Variants in CPZ observed in about 807,000 individuals in gnomAD.
The protein encoded by CPZ is VEZT/CPZ fusion.
In CPZ, 103 loss-of-function variants were observed where a neutral mutation model predicts 61.8. The observed-to-expected ratio is 1.67, with a 90% CI of 1.42 to 1.96. The LOEUF is 1.96. Ranked by LOEUF, CPZ falls within the 30% of genes most tolerant of loss-of-function variation. The probability of loss-of-function intolerance (pLI) is 0.00; values close to 1 mark genes in which losing one functional copy is unlikely to be tolerated. For missense variants in CPZ, 1,461 were observed against 914.9 expected (o/e 1.60, Z -7.70); for synonymous variants, 551 against 373.7 (o/e 1.47, Z -5.47).
At chr4:8,598,062 G>T (rs1287112404) in intron 1 of CPZ, among the ~76,000 whole-genome samples, 2 of 152,222 alleles carry the variant, frequency 1.3e-5, no homozygotes, top group Non-Finnish European at 2.9e-5. Context: ...TCTTCCCCAG[G>T]GCCGCCCGCA....
At position 8,617,136 on chromosome 4, in the gene CPZ, G is replaced by A. The variant is rs562915595; in HGVS notation, c.1504-1293G>A. On this transcript the variant is annotated intron_variant, in intron 9 of 10. Transcript: ENST00000360986. ...CACAGGGTCTGAGCTCACGGGCCGC[G>A]TGTGTCAGGCCAGTCGGTTTCTGCA... 2.6e-5 allele frequency among the ~76,000 whole-genome samples: 4 copies of A among 152,366 alleles called. No homozygotes were observed. In the East Asian group the frequency reaches 7.7e-4, roughly 29 times the overall value.
In CPZ at chr4:8,606,043, G is replaced by A. The variant is rs758061741; in HGVS notation, c.764G>A (p.Arg255Gln). The A allele has an allele frequency of 1.6e-5, 26 of 1,614,012 alleles. No individual in the cohort carries two copies. The highest frequency in any genetic ancestry group is 1.6e-4 in the Middle Eastern group (1 of 6,084). ...ATTCATGGCAACGAGGTGGCGGGCC[G>A]GGAGATGCTCATCTACCTAGCCCAG... ...GNIHGNEVAG[R>Q]EMLIYLAQYL... Residue 255 changes from arginine to glutamine, a missense_variant, in exon 5 of 11, where the codon CGG (arginine) becomes CAG (glutamine). Transcript: ENST00000360986.
intron 7 of CPZ, among the ~76,000 whole-genome samples, chr4:8,608,718 A>G (rs55683513): frequency 0.38 from 57,496 of 151,524 alleles, 11,829 homozygotes; most frequent in Admixed American, 0.54. Flanking sequence ...GGACTTCAGG[A>G]GGGCTTCCCT....
intron 10 of CPZ, among the ~76,000 whole-genome samples, chr4:8,618,833 C>A (rs1404351944): frequency 1.3e-5 from 2 of 152,222 alleles, no homozygotes; most frequent in East Asian, 3.9e-4. Flanking sequence ...ACCCCTAAGC[C>A]TGTTTGTTTC....
intron 8 of CPZ, among the ~76,000 whole-genome samples, chr4:8,613,851 G>A (rs1715922977): frequency 1.3e-5 from 2 of 152,220 alleles, no homozygotes; most frequent in South Asian, 2.1e-4. Flanking sequence ...CCTAGACTCT[G>A]GTCAGGACAG....
At chr4:8,612,190 C>CG (rs754867418) in intron 8 of CPZ, 28 bp downstream of exon 8, 1 of 509,056 alleles carries the variant, frequency 2.0e-6, no homozygotes, top group Non-Finnish European at 2.8e-6. Context: ...CGGGACTGGG[C>CG]GGGGGGTGGG....
intron 10 of CPZ, among the ~76,000 whole-genome samples, chr4:8,619,006 G>A (rs1716450466): frequency 6.6e-6 from 1 of 151,988 alleles, no homozygotes; most frequent in Non-Finnish European, 1.5e-5. Flanking sequence ...TTTGCTAACT[G>A]TGGGGTGGGT....
rs769525875 is a variant in CPZ, at chr4:8,606,066, CAGTACCTGTGCTCTG to C, written c.796_810del (p.Cys266_Leu270del). 5 of 1,614,086 alleles carry C rather than the reference CAGTACCTGTGCTCTG, an allele frequency of 3.1e-6. No homozygotes were observed. The highest frequency in any genetic ancestry group is 4.2e-6 in the Non-Finnish European group (5 of 1,180,034). On this transcript the variant is annotated inframe_deletion, in exon 5 of 11. Transcript: ENST00000360986. The stretch of plus-strand genomic sequence containing the variant: ...CCGGGAGATGCTCATCTACCTAGCC[CAGTACCTGTGCTCTG>C]AGTACCTGCTTGGTAACCCCCGCAT...
chr4:8,594,718 T>C (rs1016439202), intron 1 of CPZ, among the ~76,000 whole-genome samples: 2 of 152,092 alleles, frequency 1.3e-5, no homozygotes, highest in Non-Finnish European at 2.9e-5. Context: ...TTATATTTTC[T>C]AGTAGCCACA....
intron 1 of CPZ, among the ~76,000 whole-genome samples, chr4:8,598,666 G>A (rs1456123483): frequency 2.6e-5 from 4 of 152,236 alleles, no homozygotes; most frequent in Admixed American, 1.3e-4. Context: ...ATCTGATGCC[G>A]GGTTCCCCGC....
chr4:8,605,953 T>C (rs781608260), intron 4 of CPZ, 36 bp from the exon 5 acceptor site: 1 of 1,591,430 alleles, frequency 6.3e-7, no homozygotes, highest in Non-Finnish European at 8.6e-7. Flanking sequence ...CCCCCGGCTT[T>C]GAGATGATGC....
chr4:8,604,925 C>G (rs1213243082), intron 4 of CPZ, among the ~76,000 whole-genome samples: 1 of 152,258 alleles, frequency 6.6e-6, no homozygotes, highest in Non-Finnish European at 1.5e-5. Context: ...AAGGCTCTAT[C>G]TCTTACCAGG....
chr4:8,619,071 G>A (rs1268885525), intron 10 of CPZ, among the ~76,000 whole-genome samples, 191 bp from the exon 11 acceptor site: 1 of 152,144 alleles, frequency 6.6e-6, no homozygotes. Flanking sequence ...GCCTAAGCAG[G>A]GTTTTGAGGT....
chr4:8,612,299 G>A, intron 8 of CPZ, 137 bp downstream of exon 8: 2 of 731,152 alleles, frequency 2.7e-6, no homozygotes, highest in South Asian at 2.1e-5. Context: ...TGCCTCACCT[G>A]GTGGAGAGGA....
At chr4:8,605,009 G>T (rs1255879380) in intron 4 of CPZ, among the ~76,000 whole-genome samples, 1 of 152,326 alleles carries the variant, frequency 6.6e-6, no homozygotes, top group Middle Eastern at 3.4e-3. Flanking sequence ...ACATGCTCTG[G>T]GCAGGAGGCA....
Position 8,592,932 on chromosome 4 carries a change from C to G in CPZ, c.88+11C>G. On this transcript the variant is annotated intron_variant, in intron 1 of 10. Transcript: ENST00000360986. ...AGCGGAACCCCGCCGGTAAGGCCGT[C>G]CCCTGCCCCCACCCTCCACCCTCCA... The G allele has an allele frequency of 6.5e-7, 1 of 1,527,104 alleles. No homozygotes were observed. The highest frequency in any genetic ancestry group is 8.8e-7 in the Non-Finnish European group (1 of 1,138,058). The allele number at this position is 1,527,104 out of a possible 1,614,324, so 94.6% of individuals were successfully genotyped here.
rs186439201 is a variant in CPZ, at chr4:8,601,827, G to T, written c.496+330G>T. On this transcript the variant is annotated intron_variant, in intron 3 of 10. Coordinates refer to ENST00000360986, the MANE Select transcript of CPZ (RefSeq NM_001014447.3). ...AGGGTGCAGTGAGCAGGCCTCGTGT[G>T]GGGGAGCCTGGGCTCAGAGTGCAGG... is the stretch of plus-strand genomic sequence containing the variant. 1.4e-3 allele frequency: 329 copies of T among 235,802 alleles called. 3 individuals are homozygous for T. The highest frequency in any genetic ancestry group is 8.1e-4 in the Non-Finnish European group (99 of 122,452). 14.6% of individuals were successfully genotyped at this position (235,802 alleles called of 1,614,324 possible).
In CPZ at chr4:8,619,539, C is replaced by G. The variant is rs758229378; in HGVS notation, c.1881C>G (p.Ala627=). 8 of 1,574,534 alleles carry G rather than the reference C, an allele frequency of 5.1e-6. No individual in the cohort carries two copies. In the Admixed American group the frequency reaches 8.9e-5, roughly 18 times the overall value. ...DPLRARRQPS[A]DGSKPWWWSY... ...TCCGGGCGCGCAGGCAGCCCTCGGCCGACGGGAGTAAGCCCTGGTGGTGGT... is the reference window on the plus strand; with the variant it reads ...TCCGGGCGCGCAGGCAGCCCTCGGCGGACGGGAGTAAGCCCTGGTGGTGGT... The change falls in exon 11 of 11, where the codon GCC becomes GCG. Residue 627 remains alanine, a synonymous_variant. Coordinates refer to ENST00000360986, the MANE Select transcript of CPZ (RefSeq NM_001014447.3).
intron 6 of CPZ, 74 bp downstream of exon 6, chr4:8,606,972 A>G: frequency 6.7e-7 from 1 of 1,493,336 alleles, no homozygotes; most frequent in Admixed American, 2.1e-5. Flanking sequence ...GGCTCTCTGG[A>G]GTTGTCCTTC....
Sources: gnomAD v4.1 joint callset for allele counts (sites outside exome capture counted in the v4.1 genomes callset) on GRCh38, gnomAD v4.1.1 for gene constraint, MANE v1.5 for transcripts, NCBI Gene and HGNC (gene_info 2026-07-23, HGNC 2026-07-21) for gene names.